BET1: variants seen among roughly 807,000 people sequenced by gnomAD.
BET1 encodes the protein BET1 homolog.
A neutral mutation model predicts 13.9 loss-of-function variants in BET1; 9 were observed. The ratio of observed to expected loss-of-function variants is 0.65; its 90% CI spans 0.39 to 1.13. BET1 has a LOEUF of 1.13. Ranked by LOEUF, BET1 falls within the 50% of genes most tolerant of loss-of-function variation. The pLI is 0.01. For missense variants in BET1, 127 were observed against 133.6 expected, an observed-to-expected ratio of 0.95 and a Z score of 0.24; for synonymous variants, 39 against 47.3, an observed-to-expected ratio of 0.82 and a Z score of 0.72.
downstream of BET1, among the ~76,000 whole-genome samples, chr7:93,989,456 G>C (rs1795590486): frequency 1.3e-5 from 2 of 152,116 alleles, no homozygotes; most frequent in South Asian, 4.1e-4. Context: ...AACTGCCCTA[G>C]GGTGGTTGCT....
intron 5 of BET1, among the ~76,000 whole-genome samples, chr7:93,973,080 T>A (rs959016533): frequency 3.3e-5 from 5 of 151,934 alleles, no homozygotes; most frequent in Non-Finnish European, 5.9e-5. Context: ...AATCTGAGAC[T>A]TTTTTCATTT....
At chr7:93,995,486 G>A (rs1442094855) in intron 3 of BET1, among the ~76,000 whole-genome samples, 1 of 152,076 alleles carries the variant, frequency 6.6e-6, no homozygotes. Context: ...AGAATCACCG[G>A]AGATGCTTTT....
intron 4 of BET1, among the ~76,000 whole-genome samples, chr7:93,988,115 CT>C (rs1795561570): frequency 6.6e-6 from 1 of 152,266 alleles, no homozygotes; most frequent in Admixed American, 6.5e-5. Flanking sequence ...GATATGTTCT[CT>C]AGCAGAAAAG....
At chr7:93,969,427 T>G (rs1211852187) in intron 6 of BET1, 1 of 151,812 alleles carries the variant, frequency 6.6e-6, no homozygotes, top group Non-Finnish European at 1.5e-5. Context: ...AGTAAATAAT[T>G]GTAACTTGGC....
In BET1 at chr7:93,993,828, GCTGA is replaced by G; in HGVS notation, c.*398_*401del. The G allele has an allele frequency of 6.5e-7, 1 of 1,530,596 alleles. No individual in the cohort carries two copies. The highest frequency in any genetic ancestry group is 8.7e-7 in the Non-Finnish European group (1 of 1,145,044). The allele number at this position is 1,530,596 out of a possible 1,614,324, so 94.8% of individuals were successfully genotyped here. A position where few individuals can be genotyped will look rare whatever the true frequency, so the allele number is the denominator to read the frequency against. ...TCAATTACCATTTTACCACAAACTG[GCTGA>G]CTACTTCAAGAGCTCAGAGTCAGGC... is the stretch of plus-strand genomic sequence containing the variant. On this transcript the variant is annotated 3_prime_UTR_variant, in exon 4 of 4. Coordinates refer to ENST00000222547, the MANE Select transcript of BET1 (RefSeq NM_005868.6).
Position 93,999,173 on chromosome 7 carries a change from T to C in BET1, c.141A>G (p.Lys47=). The C allele has an allele frequency of 6.2e-7, 1 of 1,609,776 alleles. No individual in the cohort carries two copies. The highest frequency in any genetic ancestry group is 8.5e-7 in the Non-Finnish European group (1 of 1,177,010). Residue 47 remains lysine, a synonymous_variant, in exon 2 of 4, where the codon AAA becomes AAG. Transcript: ENST00000222547. ...ESLRSKVTAI[K]SLSIEIGHEV... is the part of the protein sequence containing the mutation. ...ATAATATTTGTTATATACTTACAGA[T>C]TTTATAGCAGTTACTTTGCTTCTCA...
chr7:94,000,412 A>G (rs1418782488), intron 1 of BET1: 1 of 151,574 alleles, frequency 6.6e-6, no homozygotes, highest in African/African-American at 2.4e-5. Flanking sequence ...TTTTTAACAT[A>G]ATTGTTGCCA....
intron 4 of BET1, among the ~76,000 whole-genome samples, chr7:93,977,096 G>C (rs1795348697): frequency 6.6e-6 from 1 of 151,954 alleles, no homozygotes; most frequent in South Asian, 2.1e-4. Flanking sequence ...CTGAGCTCTT[G>C]TATCTTCCTT....
At chr7:93,977,926 C>G (rs927394714) in intron 4 of BET1, among the ~76,000 whole-genome samples, 1 of 152,116 alleles carries the variant, frequency 6.6e-6, no homozygotes, top group African/African-American at 2.4e-5. Context: ...CACTTGCCCA[C>G]TTAGGAACCT....
intron 1 of BET1, among the ~76,000 whole-genome samples, chr7:94,003,673 A>G (rs1323397991): frequency 2.0e-5 from 3 of 152,190 alleles, no homozygotes; most frequent in African/African-American, 7.2e-5. Flanking sequence ...GTTCAGATTA[A>G]GAAATCGCCT....
intron 1 of BET1, among the ~76,000 whole-genome samples, chr7:94,000,597 T>C (rs1795879922): frequency 6.6e-6 from 1 of 152,034 alleles, no homozygotes; most frequent in African/African-American, 2.4e-5. Context: ...GTCCCAGGTG[T>C]GTGGTTTTTT....
intron 6 of BET1, among the ~76,000 whole-genome samples, chr7:93,968,547 C>G (rs1175910229): frequency 6.6e-6 from 1 of 151,706 alleles, no homozygotes; most frequent in Non-Finnish European, 1.5e-5. Flanking sequence ...TTGTATGCAT[C>G]ATTATTTGTA....
At chr7:93,978,499 A>G (rs180983439) in intron 4 of BET1, among the ~76,000 whole-genome samples, 1 of 152,006 alleles carries the variant, frequency 6.6e-6, no homozygotes, top group Non-Finnish European at 1.5e-5. Flanking sequence ...CCCTTGATGC[A>G]TTTCTCATTA....
At chr7:93,992,129 C>G, downstream of BET1, 1 of 985,276 alleles carries the variant, frequency 1.0e-6, no homozygotes, top group Non-Finnish European at 1.2e-6. Flanking sequence ...GGAATCTCAG[C>G]AGACACAGTG....
chr7:93,992,996 C>T (rs1053864171), downstream of BET1: 1 of 984,988 alleles, frequency 1.0e-6, no homozygotes, highest in African/African-American at 1.7e-5. Context: ...AAAAATAGAA[C>T]CCAAACTGAC....
rs1038790600 is a variant in BET1, at chr7:93,993,292, T to C, written c.*938A>G. On this transcript the variant is annotated 3_prime_UTR_variant, in exon 4 of 4. Coordinates refer to ENST00000222547, the MANE Select transcript of BET1 (RefSeq NM_005868.6). Reference sequence around the variant, plus strand: ...TTTAAAAATTTACTTTTGAAGCCTATAAATGGATAAATTCCAAAATACAGA... The same window carrying C: ...TTTAAAAATTTACTTTTGAAGCCTACAAATGGATAAATTCCAAAATACAGA... The C allele has an allele frequency of 9.2e-5, 86 of 930,386 alleles. No individual in the cohort carries two copies. Among genetic ancestry groups the C allele is most frequent in the African/African-American group, 1.4e-4 (8 of 55,994 alleles). The allele number at this position is 930,386 out of a possible 1,614,324, so 57.6% of individuals were successfully genotyped here.
At chr7:93,989,795 C>G (rs1486029706), downstream of BET1, among the ~76,000 whole-genome samples, 1 of 152,010 alleles carries the variant, frequency 6.6e-6, no homozygotes, top group Non-Finnish European at 1.5e-5. Context: ...AAAATGCTCT[C>G]TGTGTGAATC....
chr7:93,981,448 T>C (rs764985797), intron 4 of BET1, among the ~76,000 whole-genome samples: 5 of 152,232 alleles, frequency 3.3e-5, no homozygotes, highest in Non-Finnish European at 7.3e-5. Flanking sequence ...TTCCAAGTAC[T>C]GTTTTGGCCC....
intron 4 of BET1, among the ~76,000 whole-genome samples, chr7:93,986,721 A>T (rs1185722436): frequency 6.6e-6 from 1 of 152,200 alleles, no homozygotes; most frequent in African/African-American, 2.4e-5. Flanking sequence ...TGGTGGTCCC[A>T]TCAGATTAAC....
Sources: allele counts gnomAD v4.1 joint callset (sites outside exome capture counted in the v4.1 genomes callset), GRCh38; gene constraint gnomAD v4.1.1; transcripts MANE v1.5; gene names NCBI Gene and HGNC (gene_info 2026-07-23, HGNC 2026-07-21).